SLC4A4: variants seen among roughly 807,000 people sequenced by gnomAD.
SLC4A4 encodes the protein electrogenic sodium bicarbonate cotransporter 1.
A neutral mutation model predicts 111.5 loss-of-function variants in SLC4A4; 27 were observed. The observed-to-expected ratio is 0.24, with a 90% confidence interval of 0.18 to 0.33. SLC4A4 has a LOEUF of 0.33. Among genes scored for constraint, SLC4A4 ranks in the 10% least tolerant of loss-of-function variants. SLC4A4 has a pLI of 1.00. For missense variants in SLC4A4, 909 were observed against 1,315.5 expected (o/e 0.69, Z 4.78); for synonymous variants, 443 against 463.4 (o/e 0.96, Z 0.57).
intron 1 of SLC4A4, among the ~76,000 whole-genome samples, chr4:71,222,886 T>C (rs185500438): frequency 6.9e-4 from 105 of 152,338 alleles, no homozygotes; most frequent in Admixed American, 1.2e-3. Context: ...TTCAACTATT[T>C]GCTAGCAGCC....
At chr4:71,437,590 G>T in intron 7 of SLC4A4, 1 of 522,026 alleles carries the variant, frequency 1.9e-6, no homozygotes. Flanking sequence ...TTGAAGATCC[G>T]TTGTCTCACC....
At chr4:71,395,939 C>A (rs1169206076) in intron 6 of SLC4A4, among the ~76,000 whole-genome samples, 2 of 152,138 alleles carry the variant, frequency 1.3e-5, no homozygotes, top group African/African-American at 4.8e-5. Flanking sequence ...TCAGGCAGAA[C>A]TTTTACTCAG....
chr4:71,529,878 C>T (rs1349028945), intron 16 of SLC4A4, among the ~76,000 whole-genome samples: 1 of 152,096 alleles, frequency 6.6e-6, no homozygotes. Context: ...TTTGCCTTTG[C>T]AATGACCTCT....
intron 12 of SLC4A4, among the ~76,000 whole-genome samples, chr4:71,465,447 T>A (rs1171908394): frequency 6.6e-6 from 1 of 151,164 alleles, no homozygotes; most frequent in East Asian, 2.0e-4. Context: ...AGAACCTTCC[T>A]ACAAATACAC....
intron 13 of SLC4A4, among the ~76,000 whole-genome samples, chr4:71,466,931 A>G (rs924635462): frequency 5.3e-5 from 5 of 94,732 alleles, no homozygotes; most frequent in South Asian, 3.4e-4. Flanking sequence ...ACAAGACGGG[A>G]AGAGAGAGAG....
intron 16 of SLC4A4, among the ~76,000 whole-genome samples, chr4:71,515,212 A>G (rs1732271010): frequency 6.6e-6 from 1 of 151,854 alleles, no homozygotes; most frequent in Admixed American, 6.6e-5. Flanking sequence ...TTTGATTTTC[A>G]TCTTAATTTC....
intron 2 of SLC4A4, among the ~76,000 whole-genome samples, chr4:71,249,762 A>G (rs771020386): frequency 2.6e-5 from 4 of 152,040 alleles, no homozygotes; most frequent in Admixed American, 6.6e-5. Flanking sequence ...ATGATGGCAC[A>G]TGCCTGTGAT....
At chr4:71,451,358 C>T (rs1342503034) in intron 11 of SLC4A4, 57 bp downstream of exon 11, 18 of 1,101,940 alleles carry the variant, frequency 1.6e-5, no homozygotes, top group Admixed American at 1.2e-4. Flanking sequence ...TGTAAATTTC[C>T]CTTCATCTAT....
At chr4:71,379,950 CAT>C (rs1264498432) in intron 6 of SLC4A4, among the ~76,000 whole-genome samples, 1 of 151,996 alleles carries the variant, frequency 6.6e-6, no homozygotes, top group African/African-American at 2.4e-5. Context: ...CAGGGTCTAA[CAT>C]AGGGCCTGAT....
intron 3 of SLC4A4, among the ~76,000 whole-genome samples, chr4:71,311,894 A>C (rs867948602): frequency 0.051 from 7,251 of 140,822 alleles, 196 homozygotes; most frequent in East Asian, 0.098. Context: ...AGGCTGTGAG[A>C]GAGAGAGAGA....
At chr4:71,102,979 T>C in intron 2 of SLC4A4, among the ~76,000 whole-genome samples, 3 of 149,048 alleles carry the variant, frequency 2.0e-5, no homozygotes, top group African/African-American at 7.4e-5. Context: ...GACTGGCAAA[T>C]TGGATAAAGA....
At chr4:71,232,812 A>T (rs1202215292) in intron 1 of SLC4A4, among the ~76,000 whole-genome samples, 2 of 152,228 alleles carry the variant, frequency 1.3e-5, no homozygotes, top group Non-Finnish European at 2.9e-5. Flanking sequence ...GCAACAAAAG[A>T]CTTTAGGACC....
chr4:71,560,777 T>C (rs1331394053), intron 23 of SLC4A4, among the ~76,000 whole-genome samples: 1 of 151,824 alleles, frequency 6.6e-6, no homozygotes, highest in Non-Finnish European at 1.5e-5. Context: ...CAGCATTATT[T>C]TTCTGTAGTT....
chr4:71,373,918 G>T (rs1732108465), intron 6 of SLC4A4, among the ~76,000 whole-genome samples: 2 of 152,190 alleles, frequency 1.3e-5, no homozygotes, highest in Admixed American at 6.5e-5. Context: ...CAACCAGGAA[G>T]ATCATAGGAA....
chr4:71,357,840 G>A lies in SLC4A4; in HGVS notation c.730+653G>A, dbSNP rs73826288. Among the ~76,000 whole-genome samples the A allele has an allele frequency of 8.9e-3, 1,361 of 152,252 alleles. 23 individuals are homozygous for A. The highest frequency in any genetic ancestry group is 0.029 in the African/African-American group (1,211 of 41,540). On this transcript the variant is annotated intron_variant, in intron 6 of 25. Transcript: ENST00000264485. ...TTGATTTACCAGAGTTTCCTGTAGA[G>A]TGTCTATCTTTTGTATCATGGCGTT...
At chr4:71,321,151 C>T (rs576673094) in intron 3 of SLC4A4, among the ~76,000 whole-genome samples, 1 of 151,842 alleles carries the variant, frequency 6.6e-6, no homozygotes, top group Non-Finnish European at 1.5e-5. Flanking sequence ...GCCCACATAC[C>T]CACTCTAATC....
chr4:71,106,228 A>G (rs2148949142), intron 2 of SLC4A4, among the ~76,000 whole-genome samples: 1 of 148,716 alleles, frequency 6.7e-6, no homozygotes, highest in South Asian at 2.2e-4. Flanking sequence ...ATGAGCTACC[A>G]TCTCACACCA....
chr4:71,532,968 G>C (rs1268512983), intron 17 of SLC4A4, among the ~76,000 whole-genome samples: 1 of 152,014 alleles, frequency 6.6e-6, no homozygotes, highest in African/African-American at 2.4e-5. Flanking sequence ...GTAGGTAATG[G>C]ATAAAATTTA....
rs202052323 is a variant in SLC4A4 at position 71,236,710 on chromosome 4, C to A, written c.73+61C>A. The A allele has an allele frequency of 3.6e-5, 47 of 1,309,596 alleles. No homozygotes were observed. In the East Asian group the frequency reaches 9.3e-4, roughly 26 times the overall value. The allele number at this position is 1,309,596 out of a possible 1,614,324, so 81.1% of individuals were successfully genotyped here. ...ATACATATGTCTCTATAGATAATAA[C>A]ATTCATGCATTTCATATATCTTACA... On this transcript the variant is annotated intron_variant, in intron 2 of 25. Transcript: ENST00000264485.
Sources: gnomAD v4.1 joint callset for allele counts (sites outside exome capture counted in the v4.1 genomes callset) on GRCh38, gnomAD v4.1.1 for gene constraint, MANE v1.5 for transcripts, NCBI Gene and HGNC (gene_info 2026-07-23, HGNC 2026-07-21) for gene names.